The following RTTN variants were observed in gnomAD, a reference collection of about 807,000 sequenced individuals.
RTTN encodes rotatin.
In RTTN, 182 loss-of-function variants were observed where a neutral mutation model predicts 269.2. The observed-to-expected ratio is 0.68, with a 90% confidence interval of 0.60 to 0.76. RTTN has a LOEUF of 0.76. Ranked by LOEUF, RTTN falls within the 30% of genes least tolerant of loss-of-function variation. The pLI, the probability that RTTN is intolerant of heterozygous loss-of-function variation, is 0.00. For synonymous variants in RTTN, 1,006 were observed against 963.5 expected, an observed-to-expected ratio of 1.04 and a Z score of -0.82; for missense variants, 2,545 against 2,608.6, an observed-to-expected ratio of 0.98 and a Z score of 0.53.
chr18:70,114,072 G>A (rs929610446), intron 27 of RTTN, among the ~76,000 whole-genome samples: 1 of 152,140 alleles, frequency 6.6e-6, no homozygotes, highest in Admixed American at 6.6e-5. Flanking sequence ...TTAAAAAACA[G>A]AATTCATAAC....
At chr18:70,180,522 C>T (rs944914285) in intron 10 of RTTN, among the ~76,000 whole-genome samples, 6 of 149,158 alleles carry the variant, frequency 4.0e-5, no homozygotes, top group East Asian at 4.0e-4. Context: ...GCGGAGGTTG[C>T]AGTGAGTCAA....
At chr18:70,144,186 A>G (rs77388563) in intron 18 of RTTN, among the ~76,000 whole-genome samples, 3,065 of 152,254 alleles carry the variant, frequency 0.02, 106 homozygotes, top group African/African-American at 0.068. Flanking sequence ...GAAGTTATTC[A>G]TAACCCATTA....
intron 2 of RTTN, 68 bp downstream of exon 2, chr18:70,205,060 G>T: frequency 1.4e-6 from 2 of 1,466,084 alleles, no homozygotes; most frequent in Non-Finnish European, 1.9e-6. Flanking sequence ...TTCAATAAAC[G>T]CTACAATTAA....
At chr18:70,203,416 G>T (rs769911077) in intron 3 of RTTN, among the ~76,000 whole-genome samples, 4 of 152,102 alleles carry the variant, frequency 2.6e-5, no homozygotes, top group Non-Finnish European at 5.9e-5. Flanking sequence ...TGTTGGTCAG[G>T]CTGGTCTTGA....
At chr18:70,093,254 G>A (rs1185410903) in intron 28 of RTTN, among the ~76,000 whole-genome samples, 1 of 46,074 alleles carries the variant, frequency 2.2e-5, no homozygotes, top group Non-Finnish European at 6.9e-5. Context: ...TCCTTTTAAA[G>A]TCTGTAAAAA....
rs149801362 is a variant in RTTN, at chr18:70,026,680, C to T, written c.5824-1832G>A. Among the ~76,000 whole-genome samples, 33 of 152,276 alleles carry T rather than the reference C, an allele frequency of 2.2e-4. No homozygotes were observed. The East Asian group carries it at 3.7e-3, about 17-fold the overall frequency. Reference sequence around the variant, plus strand: ...CTAATGCAATCTCCAAATTCCTTCTCCAGTATTCCCTTCTCAGTTGTTTTC... The same window carrying T: ...CTAATGCAATCTCCAAATTCCTTCTTCAGTATTCCCTTCTCAGTTGTTTTC... On this transcript the variant is annotated intron_variant, in intron 43 of 48. Coordinates refer to ENST00000640769, the MANE Select transcript of RTTN (RefSeq NM_173630.4).
intron 32 of RTTN, among the ~76,000 whole-genome samples, chr18:70,076,926 T>G (rs1334741912): frequency 6.6e-6 from 1 of 151,888 alleles, no homozygotes; most frequent in Admixed American, 6.6e-5. Context: ...AATCTTAACA[T>G]TCACAGCTTC....
Position 70,114,468 on chromosome 18 carries a change from G to T in RTTN, c.3660C>A (p.Leu1220=). The part of the protein sequence containing the change: ...ELIALFDTLL[L]NFMEVTDRKC... ...ACCTGTCAGTAACTTCCATGAAATT[G>T]AGCAGCAAGGTATCAAAAAGAGCAA... Residue 1220 remains leucine, a synonymous_variant, in exon 27 of 49, where the codon CTC becomes CTA. Transcript: ENST00000640769. 4 of 1,613,034 alleles carry T rather than the reference G, an allele frequency of 2.5e-6. No individual in the cohort carries two copies. Among genetic ancestry groups the T allele is most frequent in the Non-Finnish European group, 2.5e-6 (3 of 1,179,382 alleles).
rs149876678 is a variant in RTTN, at chr18:70,102,064, G to A, written c.3903+7434C>T. 2.9e-3 allele frequency among the ~76,000 whole-genome samples: 446 copies of A among 152,320 alleles called. 4 individuals are homozygous for A. Among genetic ancestry groups the A allele is most frequent in the Middle Eastern group, 0.01 (3 of 294 alleles). ...AGAATGTACATTCTGTTGATTTGGG[G>A]TGGAGAGTTCTGTAGATGCCTATTA... On this transcript the variant is annotated intron_variant, in intron 28 of 48. Coordinates refer to ENST00000640769, the MANE Select transcript of RTTN (RefSeq NM_173630.4).
intron 28 of RTTN, 75 bp from the exon 29 acceptor site, chr18:70,092,879 A>G (rs951652596): frequency 8.4e-6 from 11 of 1,307,992 alleles, no homozygotes; most frequent in Non-Finnish European, 1.1e-5. Flanking sequence ...ATAACTGTCT[A>G]CTGACTTGTA....
chr18:70,017,701 T>A (rs750247366), intron 45 of RTTN, 27 bp from the exon 46 acceptor site: 19 of 1,567,042 alleles, frequency 1.2e-5, no homozygotes, highest in East Asian at 9.0e-5. Flanking sequence ...AGAATATTAT[T>A]TTCTTCTCAT....
At chr18:70,170,389 G>T (rs2061107207) in intron 11 of RTTN, among the ~76,000 whole-genome samples, 1 of 152,206 alleles carries the variant, frequency 6.6e-6, no homozygotes, top group Admixed American at 6.5e-5. Flanking sequence ...AACAGGATAG[G>T]AAAGATGAAG....
intron 10 of RTTN, among the ~76,000 whole-genome samples, chr18:70,180,788 C>T (rs919859789): frequency 6.6e-6 from 1 of 152,190 alleles, no homozygotes; most frequent in Non-Finnish European, 1.5e-5. Context: ...TAGTGTCTGA[C>T]ATACAGTAAG....
intron 40 of RTTN, among the ~76,000 whole-genome samples, chr18:70,047,337 TTAAC>T (rs2057519513): frequency 6.6e-6 from 1 of 152,234 alleles, no homozygotes. Context: ...ATGTACAACT[TTAAC>T]TTAGTAAACA....
At chr18:70,130,304 T>A (rs1485196120) in intron 23 of RTTN, 2 of 151,956 alleles carry the variant, frequency 1.3e-5, no homozygotes, top group African/African-American at 4.8e-5. Flanking sequence ...AGGAAATTGG[T>A]ATGTCAAAGA....
intron 37 of RTTN, among the ~76,000 whole-genome samples, chr18:70,056,328 T>C (rs1475606088): frequency 6.6e-6 from 1 of 152,188 alleles, no homozygotes; most frequent in African/African-American, 2.4e-5. Context: ...CCTGCATAGG[T>C]TGGAATCTAT....
chr18:70,169,136 T>C, intron 11 of RTTN, 69 bp from the exon 12 acceptor site: 2 of 1,151,370 alleles, frequency 1.7e-6, no homozygotes, highest in Non-Finnish European at 2.4e-6. Context: ...AGAAACATAG[T>C]GGGCTATAGT....
chr18:70,195,943 G>C (rs2061794531), intron 7 of RTTN, among the ~76,000 whole-genome samples: 1 of 152,118 alleles, frequency 6.6e-6, no homozygotes, highest in Non-Finnish European at 1.5e-5. Flanking sequence ...TATAATATTT[G>C]ACTTTCGATG....
rs189145520 is a variant in RTTN, at chr18:70,201,378, G to A, written c.487+516C>T. Among the ~76,000 whole-genome samples, 277 of 151,860 alleles carry A rather than the reference G, an allele frequency of 1.8e-3. 1 individual carries two copies. The highest frequency in any genetic ancestry group is 2.5e-3 in the South Asian group (12 of 4,816). On this transcript the variant is annotated intron_variant, in intron 4 of 48. Coordinates refer to ENST00000640769, the MANE Select transcript of RTTN (RefSeq NM_173630.4). ...AGCACTTTGGGAGGCCGAGGCGGGC[G>A]GATCACGAGGTCAGGAGATCGAGAC...
Sources: gnomAD v4.1 joint callset for allele counts (sites outside exome capture counted in the v4.1 genomes callset) on GRCh38, gnomAD v4.1.1 for gene constraint, MANE v1.5 for transcripts, NCBI Gene and HGNC (gene_info 2026-07-23, HGNC 2026-07-21) for gene names.